NKAIN2: variants seen among roughly 807,000 people sequenced by gnomAD.
NKAIN2 encodes sodium/potassium-transporting ATPase subunit beta-1-interacting protein 2.
A neutral mutation model predicts 32.6 loss-of-function variants in NKAIN2; 14 were observed. The ratio of observed to expected loss-of-function variants is 0.43; its 90% confidence interval spans 0.28 to 0.67. NKAIN2 has a LOEUF of 0.67. NKAIN2 is among the 30% of genes least tolerant of loss of function. NKAIN2 has a pLI of 0.17. For missense variants in NKAIN2, 198 were observed against 258.3 expected (o/e 0.77, Z 1.60); for synonymous variants, 80 against 87.2 (o/e 0.92, Z 0.46).
At chr6:124,337,076 T>C (rs1337969663) in intron 2 of NKAIN2, among the ~76,000 whole-genome samples, 2 of 152,200 alleles carry the variant, frequency 1.3e-5, no homozygotes, top group African/African-American at 4.8e-5. Flanking sequence ...CTTAAAAATA[T>C]ATGTGCTTCT....
intron 4 of NKAIN2, among the ~76,000 whole-genome samples, chr6:124,779,753 C>T (rs1344043224): frequency 6.6e-6 from 1 of 152,150 alleles, no homozygotes; most frequent in Non-Finnish European, 1.5e-5. Flanking sequence ...CCCCACCTAA[C>T]AATAAGCCAA....
chr6:123,911,276 T>A (rs1429689664), intron 1 of NKAIN2, among the ~76,000 whole-genome samples: 3 of 152,188 alleles, frequency 2.0e-5, no homozygotes, highest in East Asian at 1.9e-4. Flanking sequence ...GGCTCATGCT[T>A]CTGCAGGCTG....
At chr6:124,642,771 G>A (rs1018730774) in intron 3 of NKAIN2, among the ~76,000 whole-genome samples, 4 of 152,212 alleles carry the variant, frequency 2.6e-5, no homozygotes, top group Non-Finnish European at 4.4e-5. Flanking sequence ...CCCAGGGTAT[G>A]TTTTGTTTGT....
At chr6:124,683,341 T>C (rs1773710504) in intron 4 of NKAIN2, among the ~76,000 whole-genome samples, 1 of 152,192 alleles carries the variant, frequency 6.6e-6, no homozygotes, top group Non-Finnish European at 1.5e-5. Flanking sequence ...ACTTTCTCTA[T>C]ATTGCTATGT....
At chr6:123,948,040 T>C (rs919176764) in intron 1 of NKAIN2, among the ~76,000 whole-genome samples, 11 of 152,142 alleles carry the variant, frequency 7.2e-5, no homozygotes, top group African/African-American at 2.7e-4. Flanking sequence ...CCTGGCTTAT[T>C]TCACTTAACA....
At chr6:124,815,810 T>C (rs185024202) in intron 5 of NKAIN2, among the ~76,000 whole-genome samples, 1 of 152,196 alleles carries the variant, frequency 6.6e-6, no homozygotes, top group Non-Finnish European at 1.5e-5. Flanking sequence ...CTTAGAATTA[T>C]AAAGAAATTT....
At chr6:124,387,276 G>A (rs1052810997) in intron 3 of NKAIN2, among the ~76,000 whole-genome samples, 39 of 142,576 alleles carry the variant, frequency 2.7e-4, no homozygotes, top group African/African-American at 1.0e-3. Context: ...TGTAAAAAAA[G>A]TTTGGACCTA....
chr6:124,408,116 A>G (rs1326861558), intron 3 of NKAIN2, among the ~76,000 whole-genome samples: 13 of 152,046 alleles, frequency 8.6e-5, no homozygotes, highest in Admixed American at 2.6e-4. Context: ...AGATGAGTAG[A>G]TTGCGAAAAT....
intron 4 of NKAIN2, among the ~76,000 whole-genome samples, chr6:124,711,892 A>G (rs1188435487): frequency 7.2e-5 from 11 of 151,952 alleles, no homozygotes; most frequent in East Asian, 1.9e-4. Context: ...GAGGAGAGGC[A>G]CTCTGCGTTT....
chr6:124,433,489 G>A lies in NKAIN2; in HGVS notation c.273+78142G>A, dbSNP rs1775304695. Among the ~76,000 whole-genome samples the A allele has an allele frequency of 5.9e-5, 9 of 152,264 alleles. No homozygotes were observed. The South Asian group carries it at 1.9e-3, about 32-fold the overall frequency. The stretch of plus-strand genomic sequence containing the variant: ...TTCCAGAATTCTGATAAACTGTCAT[G>A]TGGAAAAATGATAAAGTGATTTATG... On this transcript the variant is annotated intron_variant, in intron 3 of 6. Coordinates refer to ENST00000368417, the MANE Select transcript of NKAIN2 (RefSeq NM_001040214.3).
intron 1 of NKAIN2, among the ~76,000 whole-genome samples, chr6:124,116,363 G>A (rs1785613861): frequency 6.6e-6 from 1 of 152,038 alleles, no homozygotes; most frequent in Non-Finnish European, 1.5e-5. Context: ...ATCTTTATTT[G>A]TAAGAGTTCT....
chr6:124,724,560 C>G (rs1434875635), intron 4 of NKAIN2, among the ~76,000 whole-genome samples: 1 of 152,128 alleles, frequency 6.6e-6, no homozygotes, highest in African/African-American at 2.4e-5. Flanking sequence ...AGATACTCAT[C>G]TACTTTTCAC....
intron 1 of NKAIN2, among the ~76,000 whole-genome samples, chr6:124,098,785 G>A (rs886240080): frequency 2.6e-5 from 4 of 151,978 alleles, no homozygotes; most frequent in African/African-American, 9.7e-5. Flanking sequence ...CAGGAGAATT[G>A]TTTGAATCCA....
At chr6:124,457,500 G>A (rs564306747) in intron 3 of NKAIN2, among the ~76,000 whole-genome samples, 2 of 151,806 alleles carry the variant, frequency 1.3e-5, no homozygotes, top group Non-Finnish European at 2.9e-5. Flanking sequence ...ATATCCTTTT[G>A]TTCCCTCAGA....
At chr6:123,911,638 C>A (rs1167306317) in intron 1 of NKAIN2, among the ~76,000 whole-genome samples, 1 of 151,594 alleles carries the variant, frequency 6.6e-6, no homozygotes, top group African/African-American at 2.4e-5. Flanking sequence ...CCATGCCATG[C>A]CATTATTTTA....
chr6:124,518,455 G>A (rs1310456160), intron 3 of NKAIN2, among the ~76,000 whole-genome samples: 1 of 152,086 alleles, frequency 6.6e-6, no homozygotes, highest in African/African-American at 2.4e-5. Context: ...TTTACAGGCA[G>A]CATTGTGCTG....
chr6:124,063,044 G>A (rs577421962), intron 1 of NKAIN2, among the ~76,000 whole-genome samples: 19 of 152,044 alleles, frequency 1.2e-4, no homozygotes, highest in African/African-American at 3.4e-4. Flanking sequence ...AAATTCGCCC[G>A]GCATGCTGAT....
At chr6:124,617,461 A>G (rs1325504404) in intron 3 of NKAIN2, among the ~76,000 whole-genome samples, 1 of 152,180 alleles carries the variant, frequency 6.6e-6, no homozygotes, top group Non-Finnish European at 1.5e-5. Flanking sequence ...ATATTCCTCA[A>G]GGACCAGCTT....
chr6:124,380,146 A>G (rs921530314), intron 3 of NKAIN2, among the ~76,000 whole-genome samples: 1 of 152,178 alleles, frequency 6.6e-6, no homozygotes, highest in Non-Finnish European at 1.5e-5. Flanking sequence ...CCGCAGCCAC[A>G]CTGCGTCCCA....
Sources: gnomAD v4.1 joint callset for allele counts (sites outside exome capture counted in the v4.1 genomes callset) on GRCh38, gnomAD v4.1.1 for gene constraint, MANE v1.5 for transcripts, NCBI Gene and HGNC (gene_info 2026-07-23, HGNC 2026-07-21) for gene names.